The following ECEL1 variants were observed in gnomAD, a reference collection of about 807,000 sequenced individuals.
The protein encoded by ECEL1 is endothelin-converting enzyme-like 1.
Under a neutral mutation model 101.8 loss-of-function variants are expected in ECEL1, and 87 were observed. The observed-to-expected ratio is 0.85, with a 90% confidence interval of 0.72 to 1.02. ECEL1 has a LOEUF of 1.02. Among genes scored for constraint, ECEL1 ranks in the 50% least tolerant of loss-of-function variants. ECEL1 has a pLI of 0.00. For missense variants in ECEL1, 1,032 were observed against 1,079.2 expected (o/e 0.96, Z 0.61); for synonymous variants, 487 against 468.7 (o/e 1.04, Z -0.50).
rs1037925558 is a variant in ECEL1 at position 232,486,388 on chromosome 2, G to T, written c.266C>A (p.Ala89Glu). 6.7e-7 allele frequency: 1 copy of T among 1,481,828 alleles called. No individual in the cohort carries two copies. Among genetic ancestry groups the T allele is most frequent in the Non-Finnish European group, 8.9e-7 (1 of 1,128,020 alleles). The allele number at this position is 1,481,828 out of a possible 1,614,324, so 91.8% of individuals were successfully genotyped here. Residue 89 changes from alanine to glutamate, a missense_variant, in exon 2 of 18, where the codon GCG (alanine) becomes GAG (glutamate). By Grantham distance (107) the Ala-to-Glu change is moderately radical (BLOSUM62 -1). Transcript: ENST00000304546. ...CTCGGGACAGGCGCCGCCGCCGGCC[G>T]CGACCGGGCCCAGGTACTTGAGGGC... ...MLALKYLGPV[A>E]AGGGACPEGC...
chr2:232,482,745 G>T, intron 10 of ECEL1, 106 bp downstream of exon 10: 1 of 1,508,596 alleles, frequency 6.6e-7, no homozygotes, highest in South Asian at 1.2e-5. Context: ...CTGTGCTGGC[G>T]TGTGTGCCCC....
At chr2:232,486,888 T>C (rs1575079471) in intron 1 of ECEL1, 134 bp from the exon 2 acceptor site, 3 of 377,786 alleles carry the variant, frequency 7.9e-6, no homozygotes, top group East Asian at 4.4e-5. Flanking sequence ...CCAGGGACTA[T>C]GAGGGTTCGG....
Position 232,481,523 on chromosome 2 carries a change from T to C in ECEL1, c.1972A>G (p.Thr658Ala). 1 of 1,612,392 alleles carries C rather than the reference T, an allele frequency of 6.2e-7. No homozygotes were observed. The highest frequency in any genetic ancestry group is 1.1e-5 in the South Asian group (1 of 90,628). ...GGTCTCACCCGCTGGTTGTAGACAG[T>C]GAAGTTGTCATAGAGACGGACGATG... ...ECIVRLYDNF[T>A]VYNQRVNGKH... The change falls in exon 14 of 18, where the codon ACT becomes GCT. Residue 658 changes from threonine to alanine, a missense_variant. Thr to Ala is a moderately conservative substitution (Grantham distance 58). Transcript: ENST00000304546.
Position 232,484,975 on chromosome 2 carries a change from G to A in ECEL1, c.966+6C>T. On this transcript the variant is annotated splice_donor_region_variant and intron_variant, in intron 4 of 17. Transcript: ENST00000304546. ...CCAGGGCAGCCTCCAGTCCTGGTCT[G>A]CTCACGTTGGCCAGCTGCTGCTCCA... 6.2e-7 allele frequency: 1 copy of A among 1,612,906 alleles called. No individual in the cohort carries two copies. The highest frequency in any genetic ancestry group is 8.5e-7 in the Non-Finnish European group (1 of 1,180,004).
At chr2:232,481,430 C>A in intron 14 of ECEL1, 76 bp downstream of exon 14, 3 of 1,540,640 alleles carry the variant, frequency 1.9e-6, no homozygotes, top group Non-Finnish European at 2.6e-6. Context: ...TGTGCACGTG[C>A]GCAAGGGTGT....
chr2:232,480,764 C>A lies in ECEL1; in HGVS notation c.2105G>T (p.Arg702Leu), dbSNP rs117012322. The change falls in exon 16 of 18, where the codon CGG becomes CTG. Residue 702 changes from arginine (R) to leucine (L), a missense_variant. By Grantham distance (102) the Arg-to-Leu change is moderately radical. Coordinates refer to ENST00000304546, the MANE Select transcript of ECEL1 (RefSeq NM_004826.4). ...GAGCTGGTCATGTGTGTACTTGAGC[C>A]GGGGAAGTGGGTGCTCTGGGCCGTG... is the stretch of plus-strand genomic sequence containing the variant. Reference protein sequence around the residue: ...REHGPEHPLPRLKYTHDQLFF... With the variant: ...REHGPEHPLPLLKYTHDQLFF... 3.7e-3 allele frequency: 5,939 copies of A among 1,614,116 alleles called. 12 individuals carry two copies. Among genetic ancestry groups the A allele is most frequent in the Non-Finnish European group, 4.4e-3 (5,139 of 1,180,006 alleles).
chr2:232,480,855 C>A, intron 15 of ECEL1, 42 bp from the exon 16 acceptor site: 1 of 1,557,588 alleles, frequency 6.4e-7, no homozygotes, highest in Non-Finnish European at 8.8e-7. Context: ...CCCGCCCACC[C>A]TGGGCACCGC....
chr2:232,486,600 C>T lies in ECEL1; in HGVS notation c.54G>A (p.Lys18=). 6.7e-7 allele frequency: 1 copy of T among 1,498,910 alleles called. No individual in the cohort carries two copies. The highest frequency in any genetic ancestry group is 8.8e-7 in the Non-Finnish European group (1 of 1,133,178). 92.9% of individuals were successfully genotyped at this position (1,498,910 alleles called of 1,614,324 possible). ...TAHYDEFQEV[K]YVSRCGAGGA... ...CCCCCGCGCCGCAGCGGCTCACGTA[C>T]TTGACCTCTTGGAACTCATCGTAGT... The change falls in exon 2 of 18, where the codon AAG becomes AAA. Residue 18 remains lysine (K), a synonymous_variant. Coordinates refer to ENST00000304546, the MANE Select transcript of ECEL1 (RefSeq NM_004826.4).
intron 10 of ECEL1, 42 bp downstream of exon 10, chr2:232,482,809 C>T (rs1257845432): frequency 1.9e-6 from 3 of 1,609,470 alleles, no homozygotes; most frequent in South Asian, 2.2e-5. Context: ...GCCCTTTCCC[C>T]ACAACCCTTC....
In ECEL1 at chr2:232,481,601, G is replaced by A; in HGVS notation, c.1894C>T (p.Leu632=). ...TAGGAGGCCTCCGTCCACCAGTGCA[G>A]CAGGTTCCCTGAGCGGTCATACTGG... ...GGQYDRSGNL[L]HWWTEASYSR... The change falls in exon 14 of 18, where the codon CTG becomes TTG. Residue 632 remains leucine (L), a synonymous_variant. Coordinates refer to ENST00000304546, the MANE Select transcript of ECEL1 (RefSeq NM_004826.4). 6.2e-7 allele frequency: 1 copy of A among 1,613,836 alleles called. No homozygotes were observed. Among genetic ancestry groups the A allele is most frequent in the Non-Finnish European group, 8.5e-7 (1 of 1,180,012 alleles).
In ECEL1 at chr2:232,484,513, G is replaced by A; in HGVS notation, c.1143C>T (p.Tyr381=). ...GGATGAGCTGCGACACCTGCTGCATGTAGTCTGTCGCCAGCAGCACCACCT... is the reference window on the plus strand; with the variant it reads ...GGATGAGCTGCGACACCTGCTGCATATAGTCTGTCGCCAGCAGCACCACCT... The part of the protein sequence containing the change: ...EEEVVLLATD[Y]MQQVSQLIRS... The change falls in exon 6 of 18, where the codon TAC becomes TAT. Residue 381 remains tyrosine (Y), a synonymous_variant. Transcript: ENST00000304546. 1 of 1,613,976 alleles carries A rather than the reference G, an allele frequency of 6.2e-7. No individual in the cohort carries two copies. Among genetic ancestry groups the A allele is most frequent in the Non-Finnish European group, 8.5e-7 (1 of 1,180,018 alleles).
chr2:232,483,021 C>T, intron 9 of ECEL1, 67 bp from the exon 10 acceptor site: 2 of 1,612,438 alleles, frequency 1.2e-6, no homozygotes, highest in Non-Finnish European at 1.7e-6. Context: ...TGGGCAACAA[C>T]CTGGCCGTGC....
Position 232,486,744 on chromosome 2 carries a change from T to C in ECEL1, c.-91A>G. On this transcript the variant is annotated 5_prime_UTR_variant, in exon 2 of 18. Coordinates refer to ENST00000304546, the MANE Select transcript of ECEL1 (RefSeq NM_004826.4). ...CTCCTCGTGGGCCTCCGCATGGCCCTGGGGCCGCAGCTGCGGGAAGGGCGG... is the reference window on the plus strand; with the variant it reads ...CTCCTCGTGGGCCTCCGCATGGCCCCGGGGCCGCAGCTGCGGGAAGGGCGG... 1 of 1,287,280 alleles carries C rather than the reference T, an allele frequency of 7.8e-7. No individual in the cohort carries two copies. Among genetic ancestry groups the C allele is most frequent in the African/African-American group, 1.6e-5 (1 of 63,850 alleles). 79.7% of individuals were successfully genotyped at this position (1,287,280 alleles called of 1,614,324 possible). A position where few individuals can be genotyped will look rare whatever the true frequency, so the allele number is the denominator to read the frequency against.
In ECEL1 at chr2:232,485,922, G is replaced by A. The variant is rs113500609; in HGVS notation, c.732C>T (p.Leu244=). 8 of 1,574,760 alleles carry A rather than the reference G, an allele frequency of 5.1e-6. No individual in the cohort carries two copies. In the African/African-American group the frequency reaches 5.4e-5, roughly 11 times the overall value. ...CGTCCAGGCTGACCGTGAGCGAGAA[G>A]AGCGCGGCGGCGCTGTACACGCCCT... ...KAQGVYSAAA[L]FSLTVSLDDR... Residue 244 remains leucine, a synonymous_variant, in exon 2 of 18, where the codon CTC becomes CTT. Transcript: ENST00000304546.
chr2:232,487,761 G>A lies in ECEL1; in HGVS notation c.-144C>T, dbSNP rs927111769. On this transcript the variant is annotated 5_prime_UTR_variant, in exon 1 of 18. Coordinates refer to ENST00000304546, the MANE Select transcript of ECEL1 (RefSeq NM_004826.4). ...GAGCCGGCGGTGACCGAGCGGGTCG[G>A]GCCCGAGCGGGGGCCTGAGCCGCAG... The A allele has an allele frequency of 1.3e-5, 2 of 150,110 alleles. No individual in the cohort carries two copies. Among genetic ancestry groups the A allele is most frequent in the African/African-American group, 2.4e-5 (1 of 41,180 alleles). 9.3% of individuals were successfully genotyped at this position (150,110 alleles called of 1,614,324 possible). A position where few individuals can be genotyped will look rare whatever the true frequency, so the allele number is the denominator to read the frequency against.
At position 232,482,656 on chromosome 2, in the gene ECEL1, G is replaced by A. The variant is rs375922221; in HGVS notation, c.1686-48C>T. 1.5e-5 allele frequency: 24 copies of A among 1,574,338 alleles called. No individual in the cohort carries two copies. In the African/African-American group the frequency reaches 2.0e-4, roughly 13 times the overall value. On this transcript the variant is annotated intron_variant, in intron 10 of 17. Coordinates refer to ENST00000304546, the MANE Select transcript of ECEL1 (RefSeq NM_004826.4). ...ATGGGGGGAACACACTCCCTCCCCC[G>A]CTACCCTCACATCACAGCTTCCTCG...
At chr2:232,485,571 C>A (rs528928785) in intron 2 of ECEL1, among the ~76,000 whole-genome samples, 6 of 152,342 alleles carry the variant, frequency 3.9e-5, no homozygotes, top group African/African-American at 1.4e-4. Context: ...CCAGACCTCG[C>A]GGAGACGTCA....
chr2:232,486,191 C>T lies in ECEL1; in HGVS notation c.463G>A (p.Glu155Lys). 6.3e-7 allele frequency: 1 copy of T among 1,595,062 alleles called. No homozygotes were observed. The highest frequency in any genetic ancestry group is 8.5e-7 in the Non-Finnish European group (1 of 1,176,118). Residue 155 changes from glutamate (E) to lysine (K), a missense_variant, in exon 2 of 18, where the codon GAG becomes AAG. Physicochemically the swap from Glu to Lys is moderately conservative, Grantham distance 56 (BLOSUM62 1). Coordinates refer to ENST00000304546, the MANE Select transcript of ECEL1 (RefSeq NM_004826.4). ...LTYGTIAAIG[E>K]QNEERLRRLL... The stretch of plus-strand genomic sequence containing the variant: ...CGCCGTAGGCGCTCCTCGTTTTGCT[C>T]GCCGATGGCCGCGATGGTGCCATAG...
chr2:232,485,971 A>G lies in ECEL1; in HGVS notation c.683T>C (p.Leu228Pro). The G allele has an allele frequency of 6.3e-7, 1 of 1,599,536 alleles. No homozygotes were observed. The highest frequency in any genetic ancestry group is 8.5e-7 in the Non-Finnish European group (1 of 1,174,824). The change falls in exon 2 of 18, where the codon CTC becomes CCC. Residue 228 changes from leucine to proline, a missense_variant. By Grantham distance (98) the Leu-to-Pro change is moderately conservative (BLOSUM62 -3). Transcript: ENST00000304546. The part of the protein sequence containing the change: ...ERPGVAARWD[L>P]NRLLYKAQGV... ...CTGCGCCTTGTACAGCAGCCGGTTG[A>G]GGTCCCATCGCGCCGCGACCCCCGG...
Sources: allele counts gnomAD v4.1 joint callset (sites outside exome capture counted in the v4.1 genomes callset), GRCh38; gene constraint gnomAD v4.1.1; transcripts MANE v1.5; gene names NCBI Gene and HGNC (gene_info 2026-07-23, HGNC 2026-07-21).